Variants in KCNIP3 observed in about 807,000 individuals in gnomAD.
The protein encoded by KCNIP3 is potassium voltage-gated channel interacting protein 3.
In KCNIP3, 28 loss-of-function variants were observed where a neutral mutation model predicts 35.0. The observed-to-expected ratio is 0.80, with a 90% CI of 0.59 to 1.10. The LOEUF (loss-of-function observed/expected upper bound fraction) is 1.10, where lower values mean the gene tolerates loss of function less well. KCNIP3 is among the 50% of genes least tolerant of loss of function. KCNIP3 has a pLI of 0.00. For missense variants in KCNIP3, 295 were observed against 338.4 expected (o/e 0.87, Z 1.01); for synonymous variants, 134 against 133.8 (o/e 1.00, Z -0.01).
At chr2:95,363,838 A>G (rs1182940048) in intron 2 of KCNIP3, among the ~76,000 whole-genome samples, 1 of 152,140 alleles carries the variant, frequency 6.6e-6, no homozygotes, top group African/African-American at 2.4e-5. Flanking sequence ...TATATTTTCT[A>G]GATGGTTATT....
intron 2 of KCNIP3, among the ~76,000 whole-genome samples, chr2:95,349,352 C>T (rs1215227815): frequency 6.6e-6 from 1 of 152,192 alleles, no homozygotes; most frequent in Non-Finnish European, 1.5e-5. Flanking sequence ...CTCTTGTCCT[C>T]TCTGAGCCTC....
chr2:95,375,459 G>A (rs908629112), intron 5 of KCNIP3, among the ~76,000 whole-genome samples: 1 of 151,680 alleles, frequency 6.6e-6, no homozygotes, highest in African/African-American at 2.4e-5. Context: ...AGCTCTGCCT[G>A]GTCAAGGGAG....
intron 2 of KCNIP3, chr2:95,311,918 A>G (rs191811685): frequency 6.6e-6 from 1 of 152,226 alleles, no homozygotes; most frequent in Admixed American, 6.5e-5. Flanking sequence ...TGAGGTCACT[A>G]AAAGCACATG....
intron 2 of KCNIP3, among the ~76,000 whole-genome samples, chr2:95,345,744 C>T (rs1329674470): frequency 6.6e-6 from 1 of 152,250 alleles, no homozygotes; most frequent in African/African-American, 2.4e-5. Context: ...CTCAGGTCTC[C>T]GGCCTCGCGG....
chr2:95,324,650 C>T (rs1481088645), intron 2 of KCNIP3, among the ~76,000 whole-genome samples: 2 of 151,976 alleles, frequency 1.3e-5, no homozygotes, highest in Non-Finnish European at 2.9e-5. Context: ...TGGTGGCTCA[C>T]GCCTGTAATC....
At chr2:95,353,635 G>A (rs1482645881) in intron 2 of KCNIP3, among the ~76,000 whole-genome samples, 4 of 152,144 alleles carry the variant, frequency 2.6e-5, no homozygotes, top group African/African-American at 9.7e-5. Context: ...CTTTGGAAAA[G>A]TTGAAAGAGG....
At chr2:95,313,604 G>A (rs1678376852) in intron 2 of KCNIP3, 1 of 152,236 alleles carries the variant, frequency 6.6e-6, no homozygotes, top group African/African-American at 2.4e-5. Context: ...GGCATGGCCA[G>A]TGCCACAACT....
chr2:95,321,115 C>G (rs1395539509), intron 2 of KCNIP3, among the ~76,000 whole-genome samples: 1 of 151,546 alleles, frequency 6.6e-6, no homozygotes, highest in African/African-American at 2.4e-5. Flanking sequence ...CCTCCCCTCC[C>G]CAGTCCCCCA....
At chr2:95,307,376 C>A (rs1350276430) in intron 1 of KCNIP3, among the ~76,000 whole-genome samples, 1 of 152,236 alleles carries the variant, frequency 6.6e-6, no homozygotes, top group Non-Finnish European at 1.5e-5. Flanking sequence ...GCCTCAGCAG[C>A]AAAGCCTGTG....
chr2:95,380,935 C>T (rs1473645654), intron 5 of KCNIP3, among the ~76,000 whole-genome samples: 4 of 152,182 alleles, frequency 2.6e-5, no homozygotes, highest in African/African-American at 9.7e-5. Flanking sequence ...TCGCTTGAGC[C>T]TGGGAGTTTG....
In KCNIP3 at chr2:95,383,257, T is replaced by A; in HGVS notation, c.686T>A (p.Val229Glu). 3 of 1,613,334 alleles carry A rather than the reference T, an allele frequency of 1.9e-6. No individual in the cohort carries two copies. The highest frequency in any genetic ancestry group is 2.5e-6 in the Non-Finnish European group (3 of 1,179,794). ...FEKMDRNQDG[V>E]VTIEEFLEAC... ...AAAATGGACCGGAACCAGGATGGGG[T>A]AGTGACCATTGAAGAGTTCCTGGAG... Residue 229 changes from valine (V) to glutamate (E), a missense_variant, in exon 8 of 9, where the codon GTA becomes GAA. Physicochemically the swap from Val to Glu is moderately radical, Grantham distance 121. Transcript: ENST00000295225.
chr2:95,354,915 G>C (rs1347385879), intron 2 of KCNIP3: 1 of 152,516 alleles, frequency 6.6e-6, no homozygotes, highest in Non-Finnish European at 1.5e-5. Context: ...CTCAGGTCTT[G>C]TGCAGCTCCT....
chr2:95,353,353 C>T (rs1470295521), intron 2 of KCNIP3, among the ~76,000 whole-genome samples: 6 of 152,216 alleles, frequency 3.9e-5, no homozygotes, highest in Non-Finnish European at 7.3e-5. Flanking sequence ...CAGTTCAGCT[C>T]CCCCATGAAG....
chr2:95,374,864 T>C lies in KCNIP3; in HGVS notation c.323T>C (p.Leu108Pro), dbSNP rs1368206182. ...CTGCTGCAGGAGTGTCCCACGGGCC[T>C]GGTGGACGAAGACACCTTCAAACTC... ...RGFKNECPTG[L>P]VDEDTFKLIY... Residue 108 changes from leucine to proline, a missense_variant, in exon 4 of 9, where the codon CTG becomes CCG. Coordinates refer to ENST00000295225, the MANE Select transcript of KCNIP3 (RefSeq NM_013434.5). The C allele has an allele frequency of 1.9e-6, 3 of 1,613,770 alleles. No homozygotes were observed. Among genetic ancestry groups the C allele is most frequent in the Non-Finnish European group, 2.5e-6 (3 of 1,180,000 alleles).
At chr2:95,372,195 A>G (rs942205395) in intron 2 of KCNIP3, among the ~76,000 whole-genome samples, 5 of 152,026 alleles carry the variant, frequency 3.3e-5, no homozygotes, top group African/African-American at 1.2e-4. Context: ...CCTCTTAATC[A>G]AAGGATTCTT....
intron 2 of KCNIP3, among the ~76,000 whole-genome samples, chr2:95,353,383 G>A (rs1050444642): frequency 5.3e-5 from 8 of 152,196 alleles, no homozygotes; most frequent in South Asian, 4.1e-4. Flanking sequence ...GGATCAGATC[G>A]GATTCAGAGG....
At chr2:95,336,946 C>T (rs560029596) in intron 2 of KCNIP3, among the ~76,000 whole-genome samples, 151 of 152,256 alleles carry the variant, frequency 9.9e-4, no homozygotes, top group African/African-American at 1.2e-3. Flanking sequence ...CTCAACATCG[C>T]TGCAGTTGTT....
chr2:95,373,335 A>G (rs993852604), intron 2 of KCNIP3, among the ~76,000 whole-genome samples: 2 of 152,194 alleles, frequency 1.3e-5, no homozygotes, highest in Non-Finnish European at 2.9e-5. Context: ...GTTTTTTAAA[A>G]TCATAAATAA....
At chr2:95,368,440 G>A (rs1242979111) in intron 2 of KCNIP3, 1 of 169,106 alleles carries the variant, frequency 5.9e-6, no homozygotes. Context: ...TACTGCCGGG[G>A]TGATGGGTGC....
Sources: gnomAD v4.1 joint callset for allele counts (sites outside exome capture counted in the v4.1 genomes callset) on GRCh38, gnomAD v4.1.1 for gene constraint, MANE v1.5 for transcripts, NCBI Gene and HGNC (gene_info 2026-07-23, HGNC 2026-07-21) for gene names.